The following CNTLN variants were observed in gnomAD, a reference collection of about 807,000 sequenced individuals.
The protein encoded by CNTLN is centlein.
CNTLN carries 212 observed loss-of-function variants against 180.0 expected under a neutral mutation model. That is an observed-to-expected ratio of 1.18 (90% CI 1.05 to 1.32). CNTLN has a LOEUF of 1.32. CNTLN is among the 40% of genes most tolerant of loss of function. The pLI, the probability that CNTLN is intolerant of heterozygous loss-of-function variation, is 0.00. For synonymous variants in CNTLN, 722 were observed against 563.1 expected, an observed-to-expected ratio of 1.28 and a Z score of -3.99; for missense variants, 2,095 against 1,610.9, an observed-to-expected ratio of 1.30 and a Z score of -5.14.
intron 2 of CNTLN, among the ~76,000 whole-genome samples, chr9:17,166,038 C>T (rs186118761): frequency 6.6e-6 from 1 of 152,276 alleles, no homozygotes; most frequent in East Asian, 1.9e-4. Context: ...GATCATAAGA[C>T]ATTTGAGTAA....
chr9:17,298,377 A>G (rs763858289), intron 7 of CNTLN, 25 bp downstream of exon 7: 1 of 1,570,478 alleles, frequency 6.4e-7, no homozygotes, highest in Non-Finnish European at 8.6e-7. Flanking sequence ...TGTAATAAAG[A>G]TGTAAATGTT....
chr9:17,458,096 A>G (rs1831243075), intron 19 of CNTLN, among the ~76,000 whole-genome samples: 1 of 151,976 alleles, frequency 6.6e-6, no homozygotes. Flanking sequence ...AAACTTGAGA[A>G]TGAAACCAAC....
chr9:17,309,372 A>G (rs1396284916), intron 8 of CNTLN, 120 bp downstream of exon 8: 4 of 806,778 alleles, frequency 5.0e-6, no homozygotes, highest in Admixed American at 3.1e-5. Context: ...AGAAGTGTGC[A>G]GATTGTTTTG....
the CNTLN span, among the ~76,000 whole-genome samples, chr9:17,525,940 T>G: frequency 6.6e-6 from 1 of 152,192 alleles, no homozygotes; most frequent in Non-Finnish European, 1.5e-5. Context: ...TCTATTTCTA[T>G]TTTTATTTTT....
chr9:17,331,999 G>A (rs781081318), intron 9 of CNTLN, among the ~76,000 whole-genome samples: 2 of 152,052 alleles, frequency 1.3e-5, no homozygotes, highest in Non-Finnish European at 2.9e-5. Flanking sequence ...GATGAGCACT[G>A]TGTTGCCCAG....
chr9:17,498,340 A>C (rs2134404886), intron 25 of CNTLN, among the ~76,000 whole-genome samples: 1 of 152,238 alleles, frequency 6.6e-6, no homozygotes, highest in South Asian at 2.1e-4. Context: ...GTCACCTCTA[A>C]AGGAAGCCAC....
intron 25 of CNTLN, among the ~76,000 whole-genome samples, chr9:17,494,105 A>T (rs61544528): frequency 0.05 from 7,667 of 152,304 alleles, 477 homozygotes; most frequent in African/African-American, 0.15. Flanking sequence ...CTTAAAAAGG[A>T]TAACCGTTTG....
At chr9:17,452,451 A>C (rs1298628667) in intron 18 of CNTLN, among the ~76,000 whole-genome samples, 1 of 152,194 alleles carries the variant, frequency 6.6e-6, no homozygotes, top group Admixed American at 6.5e-5. Context: ...TTACAGAACA[A>C]ATCAGGGGAA....
At chr9:17,354,804 C>A (rs898101066) in intron 12 of CNTLN, among the ~76,000 whole-genome samples, 1 of 152,064 alleles carries the variant, frequency 6.6e-6, no homozygotes, top group African/African-American at 2.4e-5. Context: ...ACTGTGGAAG[C>A]TTTGTTCTTT....
chr9:17,403,051 T>C (rs1827105859), intron 15 of CNTLN, among the ~76,000 whole-genome samples: 2 of 151,658 alleles, frequency 1.3e-5, no homozygotes, highest in Admixed American at 1.3e-4. Context: ...CATTTTTCAG[T>C]ATATCAAAAA....
chr9:17,209,997 C>G (rs999962801), intron 2 of CNTLN, among the ~76,000 whole-genome samples: 2 of 152,138 alleles, frequency 1.3e-5, no homozygotes. Context: ...AAAATTTGTA[C>G]ATCTTTCATT....
At chr9:17,179,309 G>A (rs1563853641) in intron 2 of CNTLN, among the ~76,000 whole-genome samples, 2 of 149,726 alleles carry the variant, frequency 1.3e-5, no homozygotes, top group Admixed American at 6.6e-5. Context: ...GTTTTGTAAC[G>A]TACACCTTTA....
intron 6 of CNTLN, among the ~76,000 whole-genome samples, chr9:17,275,671 T>C (rs1215869860): frequency 6.6e-6 from 1 of 152,148 alleles, no homozygotes; most frequent in Non-Finnish European, 1.5e-5. Context: ...ATAACAACTA[T>C]GTTTTCTTCT....
chr9:17,346,342 C>G (rs1436497821), intron 12 of CNTLN, among the ~76,000 whole-genome samples: 1 of 152,080 alleles, frequency 6.6e-6, no homozygotes, highest in African/African-American at 2.4e-5. Flanking sequence ...TGAGATCTCA[C>G]TAGCATGAGA....
At chr9:17,480,014 A>G (rs1832556034) in intron 23 of CNTLN, among the ~76,000 whole-genome samples, 1 of 152,110 alleles carries the variant, frequency 6.6e-6, no homozygotes, top group South Asian at 2.1e-4. Context: ...GAAATCAATC[A>G]TGGTGCATAT....
intron 20 of CNTLN, among the ~76,000 whole-genome samples, chr9:17,464,019 C>G (rs1251016095): frequency 6.6e-6 from 1 of 151,448 alleles, no homozygotes; most frequent in Non-Finnish European, 1.5e-5. Flanking sequence ...TTATGCTAAA[C>G]AGCTGTGTGG....
At chr9:17,201,431 C>G (rs910539974) in intron 2 of CNTLN, among the ~76,000 whole-genome samples, 1 of 152,120 alleles carries the variant, frequency 6.6e-6, no homozygotes, top group Admixed American at 6.5e-5. Context: ...CTTTGTACCT[C>G]TGGTAGAATT....
chr9:17,213,364 T>C (rs1372140640), intron 2 of CNTLN, among the ~76,000 whole-genome samples: 2 of 152,170 alleles, frequency 1.3e-5, no homozygotes, highest in African/African-American at 4.8e-5. Flanking sequence ...AGTTGACCGG[T>C]TTTGAGTGAG....
At chr9:17,221,348 A>C (rs1326166237) in intron 2 of CNTLN, among the ~76,000 whole-genome samples, 1 of 152,100 alleles carries the variant, frequency 6.6e-6, no homozygotes, top group Non-Finnish European at 1.5e-5. Context: ...ACATAAAATA[A>C]AAAGGGGCAG....
Sources: gnomAD v4.1 joint callset for allele counts (sites outside exome capture counted in the v4.1 genomes callset) on GRCh38, gnomAD v4.1.1 for gene constraint, MANE v1.5 for transcripts, NCBI Gene and HGNC (gene_info 2026-07-23, HGNC 2026-07-21) for gene names.